The following PTGER3 variants were observed in gnomAD, a reference collection of about 807,000 sequenced individuals.
The protein encoded by PTGER3 is prostaglandin E2 receptor EP3 subtype.
A neutral mutation model predicts 34.7 loss-of-function variants in PTGER3; 22 were observed. The ratio of observed to expected loss-of-function variants is 0.63; its 90% CI spans 0.45 to 0.91. The LOEUF is 0.91. Ranked by LOEUF, PTGER3 falls within the 40% of genes least tolerant of loss-of-function variation. PTGER3 has a pLI of 0.00. For missense variants in PTGER3, 468 were observed against 519.4 expected (o/e 0.90, Z 0.96); for synonymous variants, 241 against 230.1 (o/e 1.05, Z -0.43).
intron 4 of PTGER3, among the ~76,000 whole-genome samples, chr1:70,913,769 G>C (rs914094745): frequency 2.6e-5 from 4 of 151,678 alleles, no homozygotes; most frequent in African/African-American, 9.7e-5. Context: ...CTGTTAATAT[G>C]ATGAAGTACC....
chr1:70,940,665 T>G (rs963525012), intron 4 of PTGER3, among the ~76,000 whole-genome samples: 1 of 152,134 alleles, frequency 6.6e-6, no homozygotes, highest in African/African-American at 2.4e-5. Context: ...CTTGTGAGAC[T>G]TTTTTACCAT....
chr1:70,934,908 T>C (rs1315427016), intron 4 of PTGER3, among the ~76,000 whole-genome samples: 1 of 152,194 alleles, frequency 6.6e-6, no homozygotes, highest in Admixed American at 6.5e-5. Context: ...AAATGATTGC[T>C]TCCTCAAATT....
chr1:71,012,872 T>C (rs927644984), intron 1 of PTGER3, among the ~76,000 whole-genome samples: 3 of 152,000 alleles, frequency 2.0e-5, no homozygotes, highest in African/African-American at 4.8e-5. Context: ...AAATTTCCAG[T>C]AGTTCTAATT....
chr1:70,922,083 G>C (rs1203005802), intron 4 of PTGER3, among the ~76,000 whole-genome samples: 1 of 152,098 alleles, frequency 6.6e-6, no homozygotes, highest in Non-Finnish European at 1.5e-5. Context: ...TATTAAGTTT[G>C]CTAAATGCTT....
Position 71,047,420 on chromosome 1 carries a change from G to A in PTGER3, c.158C>T (p.Ala53Val), listed in dbSNP as rs762737324. 88 of 1,611,620 alleles carry A rather than the reference G, an allele frequency of 5.5e-5. No homozygotes were observed. Among genetic ancestry groups the A allele is most frequent in the Non-Finnish European group, 7.2e-5 (85 of 1,179,696 alleles). ...SGEDCGSVSV[A>V]FPITMLLTGF... is the part of the protein sequence containing the mutation. ...AGTGAGCAGCATGGTGATCGGGAAG[G>A]CCACGGACACCGATCCGCAATCCTC... The change falls in exon 1 of 4, where the codon GCC becomes GTC. Residue 53 changes from alanine to valine, a missense_variant. Physicochemically the swap from Ala to Val is moderately conservative, Grantham distance 64 (BLOSUM62 0). Around this residue, in one of 5 missense-constraint regions of PTGER3, gnomAD observed 151 missense variants for 133.5 expected, o/e 1.13. Transcript: ENST00000306666.
At chr1:70,958,447 T>C (rs1651583045) in intron 2 of PTGER3, among the ~76,000 whole-genome samples, 1 of 152,206 alleles carries the variant, frequency 6.6e-6, no homozygotes, top group African/African-American at 2.4e-5. Flanking sequence ...TTTTGCATTT[T>C]TAATCTATCT....
intron 2 of PTGER3, among the ~76,000 whole-genome samples, chr1:70,958,977 A>G (rs913621816): frequency 6.6e-6 from 1 of 152,198 alleles, no homozygotes; most frequent in African/African-American, 2.4e-5. Flanking sequence ...GTCAAAAATC[A>G]GTTGGCTGTA....
intron 2 of PTGER3, chr1:71,008,498 C>T: frequency 1.1e-6 from 1 of 922,734 alleles, no homozygotes; most frequent in Non-Finnish European, 1.3e-6. Context: ...ATCATCACCA[C>T]CTAGTTAGTT....
At chr1:70,925,819 A>G (rs1648022508) in intron 4 of PTGER3, among the ~76,000 whole-genome samples, 1 of 152,206 alleles carries the variant, frequency 6.6e-6, no homozygotes, top group Admixed American at 6.6e-5. Flanking sequence ...GCAATGTTCT[A>G]GGATGTAAGT....
chr1:71,006,968 C>T, intron 2 of PTGER3: 1 of 985,590 alleles, frequency 1.0e-6, no homozygotes, highest in Non-Finnish European at 1.2e-6. Flanking sequence ...GTCTAACGTA[C>T]TTTTCATACG....
chr1:70,924,499 A>T (rs1194008323), intron 4 of PTGER3, among the ~76,000 whole-genome samples: 1 of 152,146 alleles, frequency 6.6e-6, no homozygotes, highest in Non-Finnish European at 1.5e-5. Flanking sequence ...ACCAAGAGGG[A>T]TGGGTAATGT....
At chr1:70,988,577 C>G (rs578176859) in intron 2 of PTGER3, among the ~76,000 whole-genome samples, 1 of 152,080 alleles carries the variant, frequency 6.6e-6, no homozygotes, top group Non-Finnish European at 1.5e-5. Context: ...GGCTGGAGCT[C>G]GAGCAGCTAT....
At chr1:71,020,582 C>T (rs1658315047) in intron 1 of PTGER3, among the ~76,000 whole-genome samples, 1 of 151,324 alleles carries the variant, frequency 6.6e-6, no homozygotes, top group East Asian at 2.0e-4. Flanking sequence ...GTCAAAATTC[C>T]TCTTCAAAAA....
rs768823916 is a variant in PTGER3, at chr1:71,047,338, C to T, written c.240G>A (p.Arg80=). Residue 80 remains arginine (R), a synonymous_variant, in exon 1 of 4, where the codon CGG becomes CGA. Transcript: ENST00000306666. ...GGAAGGACTTCTTGCGCTTGCTCTC[C>T]CGGCGCCGGTAGCTGCGCGACACGA... The part of the protein sequence containing the change: ...MLLVSRSYRR[R]ESKRKKSFLL... 2 of 1,607,804 alleles carry T rather than the reference C, an allele frequency of 1.2e-6. No individual in the cohort carries two copies. The highest frequency in any genetic ancestry group is 8.5e-7 in the Non-Finnish European group (1 of 1,177,890).
intron 4 of PTGER3, among the ~76,000 whole-genome samples, chr1:70,922,640 T>C (rs533125975): frequency 1.1e-4 from 16 of 152,032 alleles, no homozygotes; most frequent in African/African-American, 3.4e-4. Context: ...AAAAAAAAAG[T>C]TGCTAAGAGT....
chr1:71,006,890 C>A, intron 2 of PTGER3: 31 of 985,334 alleles, frequency 3.1e-5, no homozygotes, highest in Non-Finnish European at 3.7e-5. Flanking sequence ...TTTCCATTGA[C>A]AAACACGACA....
At chr1:70,891,523 G>GA (rs35197475) in intron 4 of PTGER3, among the ~76,000 whole-genome samples, 191 of 137,488 alleles carry the variant, frequency 1.4e-3, no homozygotes, top group Admixed American at 1.9e-3. Flanking sequence ...TCTATCTTAA[G>GA]AAAAAAAAAA....
At position 70,984,018 on chromosome 1, in the gene PTGER3, T is replaced by C. The variant is rs143492583; in HGVS notation, c.1078-9630A>G. ...GTACACACAACCTTTGGGTTGAGTATAGAAAATGTTCTGTATGGTTTAGCT... is the reference window on the plus strand; with the variant it reads ...GTACACACAACCTTTGGGTTGAGTACAGAAAATGTTCTGTATGGTTTAGCT... On this transcript the variant is annotated intron_variant, in intron 2 of 3. Transcript: ENST00000306666. Among the ~76,000 whole-genome samples, 160 of 152,282 alleles carry C rather than the reference T, an allele frequency of 1.1e-3. 1 individual carries two copies. Among genetic ancestry groups the C allele is most frequent in the African/African-American group, 3.8e-3 (157 of 41,546 alleles).
chr1:70,873,419 G>A (rs1033516562), intron 4 of PTGER3, among the ~76,000 whole-genome samples: 4 of 151,992 alleles, frequency 2.6e-5, no homozygotes, highest in East Asian at 1.9e-4. Flanking sequence ...TCATGGGCAC[G>A]GTGAGTCATA....
Sources: allele counts gnomAD v4.1 joint callset (sites outside exome capture counted in the v4.1 genomes callset), GRCh38; gene constraint gnomAD v4.1.1; regional missense constraint gnomAD v4.1.1; transcripts MANE v1.5; gene names NCBI Gene and HGNC (gene_info 2026-07-23, HGNC 2026-07-21).